The following GRM8 variants were observed in gnomAD, a reference collection of about 807,000 sequenced individuals.
GRM8 encodes glutamate metabotropic receptor 8.
GRM8 carries 47 observed loss-of-function variants against 87.2 expected under a neutral mutation model. That is an observed-to-expected ratio of 0.54 (90% CI 0.43 to 0.69). GRM8 has a LOEUF of 0.69. Ranked by LOEUF, GRM8 falls within the 30% of genes least tolerant of loss-of-function variation. The probability of loss-of-function intolerance (pLI) is 0.00; values close to 1 mark genes in which losing one functional copy is unlikely to be tolerated. For missense variants in GRM8, 1,019 were observed against 1,139.2 expected, an observed-to-expected ratio of 0.89 and a Z score of 1.52; for synonymous variants, 396 against 404.5, an observed-to-expected ratio of 0.98 and a Z score of 0.25.
At chr7:126,636,668 T>C (rs1463946116) in intron 7 of GRM8, among the ~76,000 whole-genome samples, 2 of 152,052 alleles carry the variant, frequency 1.3e-5, no homozygotes, top group Non-Finnish European at 2.9e-5. Context: ...CTTCTAGTTT[T>C]TTTTTCTGTC....
At chr7:126,967,522 T>C (rs888520337) in intron 3 of GRM8, among the ~76,000 whole-genome samples, 1 of 144,490 alleles carries the variant, frequency 6.9e-6, no homozygotes, top group African/African-American at 2.6e-5. Flanking sequence ...TTGGATTATG[T>C]GAAAACCTCT....
chr7:127,109,768 C>A (rs866838671), intron 2 of GRM8, among the ~76,000 whole-genome samples: 11 of 152,094 alleles, frequency 7.2e-5, no homozygotes, highest in Admixed American at 4.6e-4. Context: ...TGTTTGAGGG[C>A]AATTAATTAA....
chr7:126,622,248 C>A (rs1005555379), intron 7 of GRM8, among the ~76,000 whole-genome samples: 1 of 152,098 alleles, frequency 6.6e-6, no homozygotes, highest in African/African-American at 2.4e-5. Flanking sequence ...CTTGTCCCTG[C>A]TGTCTGGTCT....
At chr7:126,620,789 C>A (rs1800078076) in intron 7 of GRM8, among the ~76,000 whole-genome samples, 1 of 152,116 alleles carries the variant, frequency 6.6e-6, no homozygotes, top group South Asian at 2.1e-4. Flanking sequence ...CACTTATGCC[C>A]CCTTAGTATA....
chr7:126,476,109 C>G (rs1805876148), intron 9 of GRM8, among the ~76,000 whole-genome samples: 2 of 151,980 alleles, frequency 1.3e-5, no homozygotes, highest in South Asian at 4.2e-4. Context: ...ACAAACGGGA[C>G]TACATCAAAT....
At chr7:126,519,395 TAAAGTTTGG>T (rs147066079) in intron 9 of GRM8, among the ~76,000 whole-genome samples, 92 of 152,222 alleles carry the variant, frequency 6.0e-4, no homozygotes, top group Non-Finnish European at 1.2e-3. Context: ...GTGGTATTAA[TAAAGTTTGG>T]AAAGTTTGGA....
chr7:126,573,075 C>T (rs1794815593), intron 8 of GRM8, among the ~76,000 whole-genome samples: 1 of 152,088 alleles, frequency 6.6e-6, no homozygotes, highest in South Asian at 2.1e-4. Context: ...TTCAGGTGAC[C>T]TTGATGCCAG....
Position 126,533,772 on chromosome 7 carries a change from T to A in GRM8, c.1610A>T (p.His537Leu). The change falls in exon 9 of 11, where the codon CAC becomes CTC. Residue 537 changes from histidine (H) to leucine (L), a missense_variant. Physicochemically the swap from His to Leu is moderately conservative, Grantham distance 99 (BLOSUM62 -3). Transcript: ENST00000339582. ...GTTGTAACCTTCACAGCGTTCACAG[T>A]GCCAGCAGCAAGGGACCCCTTTCAC... The part of the protein sequence containing the change: ...KTVKGVPCCW[H>L]CERCEGYNYQ... The A allele has an allele frequency of 6.2e-7, 1 of 1,614,038 alleles. No homozygotes were observed. The highest frequency in any genetic ancestry group is 8.5e-7 in the Non-Finnish European group (1 of 1,179,956).
At chr7:126,585,840 G>C (rs1796063667) in intron 8 of GRM8, among the ~76,000 whole-genome samples, 1 of 152,142 alleles carries the variant, frequency 6.6e-6, no homozygotes, top group African/African-American at 2.4e-5. Flanking sequence ...GGGTAATCAG[G>C]CAGGAGAAAG....
intron 4 of GRM8, 146 bp downstream of exon 4, chr7:126,904,402 C>T: frequency 1.3e-6 from 1 of 784,982 alleles, no homozygotes; most frequent in East Asian, 2.6e-5. Context: ...CCAAGTTTTA[C>T]TCTGTAGGTA....
At chr7:126,667,355 G>C (rs1245932207) in intron 7 of GRM8, among the ~76,000 whole-genome samples, 1 of 152,102 alleles carries the variant, frequency 6.6e-6, no homozygotes, top group Non-Finnish European at 1.5e-5. Flanking sequence ...GCTTAATTGG[G>C]GTGTCACTGT....
rs186011624 is a variant in GRM8 at position 126,762,591 on chromosome 7, C to T, written c.1357+7274G>A. On this transcript the variant is annotated intron_variant, in intron 7 of 10. Transcript: ENST00000339582. ...AATCTGTATTCAGGCATGTTATAATCCCAGTAGAAATAACTAGGCAGTATT... is the reference window on the plus strand; with the variant it reads ...AATCTGTATTCAGGCATGTTATAATTCCAGTAGAAATAACTAGGCAGTATT... 2.0e-5 allele frequency among the ~76,000 whole-genome samples: 3 copies of T among 151,980 alleles called. No individual in the cohort carries two copies. In the East Asian group the frequency reaches 5.8e-4, roughly 29 times the overall value.
At chr7:126,491,363 G>T (rs1807990984) in intron 9 of GRM8, among the ~76,000 whole-genome samples, 1 of 151,966 alleles carries the variant, frequency 6.6e-6, no homozygotes, top group Non-Finnish European at 1.5e-5. Context: ...TTTTAAAATA[G>T]TGTGTCTATT....
At chr7:126,999,410 G>C (rs185452707) in intron 3 of GRM8, among the ~76,000 whole-genome samples, 1 of 151,732 alleles carries the variant, frequency 6.6e-6, no homozygotes, top group East Asian at 1.9e-4. Flanking sequence ...CAGTTAAAAA[G>C]CTTCTGCATA....
chr7:126,876,754 CTCA>C (rs1218365792), intron 6 of GRM8, among the ~76,000 whole-genome samples: 4 of 152,150 alleles, frequency 2.6e-5, no homozygotes, highest in Non-Finnish European at 4.4e-5. Flanking sequence ...AATGTCATGA[CTCA>C]GAGTACTTAT....
At chr7:127,238,306 A>ATG (rs3039798) in intron 2 of GRM8, among the ~76,000 whole-genome samples, 19,252 of 146,752 alleles carry the variant, frequency 0.13, 1,171 homozygotes, top group Middle Eastern at 0.19. Context: ...GTGTGTGTGC[A>ATG]TGTGTGTGTG....
intron 7 of GRM8, among the ~76,000 whole-genome samples, chr7:126,720,985 TG>T (rs1812332507): frequency 6.6e-6 from 1 of 152,220 alleles, no homozygotes; most frequent in Non-Finnish European, 1.5e-5. Flanking sequence ...ATCAGTGTGT[TG>T]GCCATTCTAC....
chr7:127,170,844 A>C (rs1007631289), intron 2 of GRM8, among the ~76,000 whole-genome samples: 4 of 152,152 alleles, frequency 2.6e-5, no homozygotes, highest in Admixed American at 1.3e-4. Flanking sequence ...CTCAGGGGAA[A>C]GGGTGGGAGA....
chr7:126,791,335 C>T (rs1165768918), intron 6 of GRM8, among the ~76,000 whole-genome samples: 2 of 152,190 alleles, frequency 1.3e-5, no homozygotes, highest in East Asian at 3.8e-4. Flanking sequence ...ACAACACAGA[C>T]CTTCTTTCAG....
Sources: allele counts gnomAD v4.1 joint callset (sites outside exome capture counted in the v4.1 genomes callset), GRCh38; gene constraint gnomAD v4.1.1; transcripts MANE v1.5; gene names NCBI Gene and HGNC (gene_info 2026-07-23, HGNC 2026-07-21).